The following EPS8 variants were observed in gnomAD, a reference collection of about 807,000 sequenced individuals.
EPS8 encodes epidermal growth factor receptor kinase substrate 8.
EPS8 carries 42 observed loss-of-function variants against 103.8 expected under a neutral mutation model. The observed-to-expected ratio is 0.40, with a 90% CI of 0.32 to 0.52. The LOEUF (loss-of-function observed/expected upper bound fraction) is 0.52. Among genes scored for constraint, EPS8 ranks in the 20% least tolerant of loss-of-function variants. EPS8 has a pLI of 0.40. For synonymous variants in EPS8, 344 were observed against 344.6 expected, an observed-to-expected ratio of 1.00 and a Z score of 0.02; for missense variants, 969 against 1,005.1, an observed-to-expected ratio of 0.96 and a Z score of 0.49.
chr12:15,621,871 C>T (rs1226602003), intron 20 of EPS8, among the ~76,000 whole-genome samples: 1 of 152,136 alleles, frequency 6.6e-6, no homozygotes, highest in African/African-American at 2.4e-5. Flanking sequence ...ATAGTTCTGA[C>T]CCTCCGACCA....
intron 1 of EPS8, among the ~76,000 whole-genome samples, chr12:15,703,919 C>T (rs897147079): frequency 1.4e-5 from 2 of 140,724 alleles, no homozygotes; most frequent in Non-Finnish European, 3.0e-5. Context: ...CTCCAAACTC[C>T]GTAATTATCC....
Position 15,712,823 on chromosome 12 carries a change from GAA to G in EPS8, c.-21-29853_-21-29852del, listed in dbSNP as rs936295735. The G allele has an allele frequency of 1.3e-5, 13 of 976,770 alleles. No homozygotes were observed. In the African/African-American group the frequency reaches 1.8e-4, roughly 13 times the overall value. 60.5% of individuals were successfully genotyped at this position (976,770 alleles called of 1,614,324 possible). A position where few individuals can be genotyped will look rare whatever the true frequency, so the allele number is the denominator to read the frequency against. The stretch of plus-strand genomic sequence containing the variant: ...GCCTTTGAGAGCCCTCCTTAGCAAA[GAA>G]AATATTAACAAATTCAAACTTACCT... On this transcript the variant is annotated intron_variant, in intron 1 of 20. Transcript: ENST00000281172.
rs765887008 is a variant in EPS8 at position 15,689,000 on chromosome 12, C to T, written c.-21-6028G>A. ...CATGCTCCCCTAGAGGTCTGAGCAG[C>T]GGGGCACTGAAGAAACAAGCCACAC... On this transcript the variant is annotated intron_variant, in intron 1 of 20. Coordinates refer to ENST00000281172, the MANE Select transcript of EPS8 (RefSeq NM_004447.6). The surrounding 1 kb of genome is among the most constrained non-coding windows in gnomAD (Gnocchi z 5.1). 6.6e-6 allele frequency among the ~76,000 whole-genome samples: 1 copy of T among 152,168 alleles called. No individual in the cohort carries two copies. The highest frequency in any genetic ancestry group is 1.5e-5 in the Non-Finnish European group (1 of 68,046).
intron 3 of EPS8, among the ~76,000 whole-genome samples, chr12:15,675,838 T>C (rs1565494317): frequency 6.6e-6 from 1 of 152,222 alleles, no homozygotes; most frequent in African/African-American, 2.4e-5. Context: ...AAAGAGAAGT[T>C]AGCTTTCTGG....
At chr12:15,710,554 CAA>C (rs1366371623) in intron 1 of EPS8, among the ~76,000 whole-genome samples, 1 of 152,090 alleles carries the variant, frequency 6.6e-6, no homozygotes, top group African/African-American at 2.4e-5. Flanking sequence ...AAAACTACCA[CAA>C]GTTTTTTCTA....
Position 15,778,307 on chromosome 12 carries a change from T to G in EPS8, c.-22+10854A>C, listed in dbSNP as rs1003544750. On this transcript the variant is annotated intron_variant, in intron 1 of 20. Coordinates refer to ENST00000281172, the MANE Select transcript of EPS8 (RefSeq NM_004447.6). The surrounding 1 kb of genome is among the most constrained non-coding windows in gnomAD (Gnocchi z 4.5). ...CATTAATCCCACACCTTTGCATGCA[T>G]GAGTATCATGTGAATAATGCTACAA... is the stretch of plus-strand genomic sequence containing the variant. Among the ~76,000 whole-genome samples, 11 of 152,216 alleles carry G rather than the reference T, an allele frequency of 7.2e-5. No homozygotes were observed. The highest frequency in any genetic ancestry group is 2.7e-4 in the African/African-American group (11 of 41,464).
rs1368032185 is a variant in EPS8 at position 15,658,142 on chromosome 12, C to T, written c.1038G>A (p.Lys346=). Residue 346 remains lysine (K), a synonymous_variant, in exon 12 of 21, where the codon AAG becomes AAA. Coordinates refer to ENST00000281172, the MANE Select transcript of EPS8 (RefSeq NM_004447.6). The part of the protein sequence containing the change: ...KHGFNLLAKL[K]SHIQNPSAAD... ...CAGCACTAGGATTCTGAATATGAGACTTCAGTTTGGCCTGCAACATGAAGA... is the reference window on the plus strand; with the variant it reads ...CAGCACTAGGATTCTGAATATGAGATTTCAGTTTGGCCTGCAACATGAAGA... The T allele has an allele frequency of 1.9e-6, 3 of 1,610,402 alleles. No homozygotes were observed. The African/African-American group carries it at 4.0e-5, about 22-fold the overall frequency.
In EPS8 at chr12:15,783,011, G is replaced by A. The variant is rs974726589; in HGVS notation, c.-22+6150C>T. ...AATACCATAAACCTTGAATGAAAAC[G>A]TGCCACTAGAGATGCCAGAAATGCT... On this transcript the variant is annotated intron_variant, in intron 1 of 20. Coordinates refer to ENST00000281172, the MANE Select transcript of EPS8 (RefSeq NM_004447.6). Among the ~76,000 whole-genome samples the A allele has an allele frequency of 4.6e-5, 7 of 152,240 alleles. No homozygotes were observed. The South Asian group carries it at 6.2e-4, about 14-fold the overall frequency.
At position 15,720,470 on chromosome 12, in the gene EPS8, G is replaced by T. The variant is rs1019662356; in HGVS notation, c.-21-37498C>A. ...CCAACAATAACTCTTCTTTACTCCA[G>T]GGTGACTAAGAACATAATGGTCACA... On this transcript the variant is annotated intron_variant, in intron 1 of 20. Transcript: ENST00000281172. Among the ~76,000 whole-genome samples, 16 of 152,148 alleles carry T rather than the reference G, an allele frequency of 1.1e-4. No individual in the cohort carries two copies. The East Asian group carries it at 3.1e-3, about 29-fold the overall frequency.
In EPS8 at chr12:15,625,323, T is replaced by G. The variant is rs145166610; in HGVS notation, c.2045-916A>C. ...TGAGTCATTTCTCCCTTATTTATCC[T>G]GTTATTAATTTTCCTTCTTCACTGA... On this transcript the variant is annotated intron_variant, in intron 18 of 20. Transcript: ENST00000281172. Among the ~76,000 whole-genome samples, 254 of 152,330 alleles carry G rather than the reference T, an allele frequency of 1.7e-3. 3 individuals are homozygous for G. The highest frequency in any genetic ancestry group is 5.7e-3 in the African/African-American group (239 of 41,574).
In EPS8 at chr12:15,727,980, C is replaced by T; in HGVS notation, c.-21-45008G>A. 6.6e-6 allele frequency: 1 copy of T among 152,166 alleles called. No homozygotes were observed. Among genetic ancestry groups the T allele is most frequent in the East Asian group, 1.9e-4 (1 of 5,206 alleles). 9.4% of individuals were successfully genotyped at this position (152,166 alleles called of 1,614,324 possible). On this transcript the variant is annotated intron_variant, in intron 1 of 20. Coordinates refer to ENST00000281172, the MANE Select transcript of EPS8 (RefSeq NM_004447.6). The surrounding 1 kb of genome is among the most constrained non-coding windows in gnomAD (Gnocchi z 4.3). ...CTTATAACTGCAGCATAGAATAATTCCCTACCAGGTCTGACTGCAATGGAA... is the reference window on the plus strand; with the variant it reads ...CTTATAACTGCAGCATAGAATAATTTCCTACCAGGTCTGACTGCAATGGAA...
Position 15,727,691 on chromosome 12 carries a change from C to T in EPS8, c.-21-44719G>A, listed in dbSNP as rs902259743. ...TGACCAACACGGTGAAACCCCGTCT[C>T]TACTAAAAATACAAAAATTAGCCGG... On this transcript the variant is annotated intron_variant, in intron 1 of 20. Transcript: ENST00000281172. The surrounding 1 kb of genome is among the most constrained non-coding windows in gnomAD (Gnocchi z 4.3). 6.6e-6 allele frequency among the ~76,000 whole-genome samples: 1 copy of T among 152,078 alleles called. No individual in the cohort carries two copies. Among genetic ancestry groups the T allele is most frequent in the Admixed American group, 6.5e-5 (1 of 15,270 alleles).
chr12:15,781,285 A>G lies in EPS8; in HGVS notation c.-22+7876T>C, dbSNP rs141989074. 4.6e-5 allele frequency among the ~76,000 whole-genome samples: 7 copies of G among 152,326 alleles called. No individual in the cohort carries two copies. Among genetic ancestry groups the G allele is most frequent in the African/African-American group, 1.4e-4 (6 of 41,576 alleles). On this transcript the variant is annotated intron_variant, in intron 1 of 20. Transcript: ENST00000281172. The surrounding 1 kb of genome is among the most constrained non-coding windows in gnomAD (Gnocchi z 4.1). ...TGTTTGGCACAGTAGTAATTTGAGC[A>G]AGTATATAGCACAGTATTAAATAAA...
rs936285819 is a variant in EPS8 at position 15,702,515 on chromosome 12, T to C, written c.-21-19543A>G. On this transcript the variant is annotated intron_variant, in intron 1 of 20. Coordinates refer to ENST00000281172, the MANE Select transcript of EPS8 (RefSeq NM_004447.6). This position sits in a 1 kb window ranked among gnomAD's most constrained non-coding sequence, Gnocchi z 5.1. Reference sequence around the variant, plus strand: ...AGAGGACTCTGGGGTAATGTATGAATGTCTATGAGATCAGTGTCTGGAAAT... The same window carrying C: ...AGAGGACTCTGGGGTAATGTATGAACGTCTATGAGATCAGTGTCTGGAAAT... Among the ~76,000 whole-genome samples, 32 of 152,134 alleles carry C rather than the reference T, an allele frequency of 2.1e-4. No homozygotes were observed. Among genetic ancestry groups the C allele is most frequent in the African/African-American group, 7.7e-4 (32 of 41,432 alleles).
intron 1 of EPS8, among the ~76,000 whole-genome samples, chr12:15,719,566 T>C (rs992051027): frequency 3.2e-4 from 48 of 152,190 alleles, no homozygotes; most frequent in African/African-American, 1.1e-3. Context: ...AATGCCACAG[T>C]GATACACTCA....
rs964732459 is a variant in EPS8, at chr12:15,727,274, A to G, written c.-21-44302T>C. ...GACTTTACACAACTGGGTTTGCTTT[A>G]GAAGCAACGATTCGAAGTAGATTAA... On this transcript the variant is annotated intron_variant, in intron 1 of 20. Coordinates refer to ENST00000281172, the MANE Select transcript of EPS8 (RefSeq NM_004447.6). The surrounding 1 kb of genome is among the most constrained non-coding windows in gnomAD (Gnocchi z 4.3). Among the ~76,000 whole-genome samples the G allele has an allele frequency of 6.6e-6, 1 of 152,212 alleles. No individual in the cohort carries two copies.
rs150626546 is a variant in EPS8 at position 15,673,703 on chromosome 12, G to T, written c.137-2780C>A. 4.7e-3 allele frequency among the ~76,000 whole-genome samples: 715 copies of T among 152,234 alleles called. 3 individuals carry two copies. Among genetic ancestry groups the T allele is most frequent in the African/African-American group, 0.016 (665 of 41,536 alleles). ...CAGAACATTTTCCTTTCCAAATTAA[G>T]AATGTAAATATCGTCAAATGGTATA... On this transcript the variant is annotated intron_variant, in intron 3 of 20. Transcript: ENST00000281172.
At chr12:15,715,259 A>G (rs1445594636) in intron 1 of EPS8, among the ~76,000 whole-genome samples, 1 of 151,820 alleles carries the variant, frequency 6.6e-6, no homozygotes, top group Non-Finnish European at 1.5e-5. Context: ...GCTTTGAAGC[A>G]CCCCACAGGG....
chr12:15,703,579 T>C (rs2970187), intron 1 of EPS8, among the ~76,000 whole-genome samples: 2 of 151,614 alleles, frequency 1.3e-5, no homozygotes, highest in South Asian at 2.1e-4. Context: ...GAAAAGAAGA[T>C]GTGATGAAGA....
Sources: gnomAD v4.1 joint callset for allele counts (sites outside exome capture counted in the v4.1 genomes callset) on GRCh38, gnomAD v4.1.1 for gene constraint, Gnocchi (gnomAD v3.1) non-coding constraint, MANE v1.5 for transcripts, NCBI Gene and HGNC (gene_info 2026-07-23, HGNC 2026-07-21) for gene names.